The following XKR9 variants were observed in gnomAD, a reference collection of about 807,000 sequenced individuals.
XKR9 encodes XK related 9, also known as XK-related protein 9.
XKR9 carries 32 observed loss-of-function variants against 32.0 expected under a neutral mutation model. That is an observed-to-expected ratio of 1.00 (90% confidence interval 0.76 to 1.34). The LOEUF is 1.34. Ranked by LOEUF, XKR9 falls within the 40% of genes most tolerant of loss-of-function variation. The pLI is 0.00. For missense variants in XKR9, 546 were observed against 429.7 expected, an observed-to-expected ratio of 1.27 and a Z score of -2.39; for synonymous variants, 168 against 143.4, an observed-to-expected ratio of 1.17 and a Z score of -1.22.
At chr8:71,027,217 A>G in the XKR9 span, among the ~76,000 whole-genome samples, 24 of 151,954 alleles carry the variant, frequency 1.6e-4, no homozygotes, top group Admixed American at 3.9e-4. Context: ...GTAATCAAAG[A>G]GAGTCCATTT....
chr8:70,863,534 C>G, the XKR9 span, among the ~76,000 whole-genome samples: 321 of 152,256 alleles, frequency 2.1e-3, 1 homozygote, highest in Non-Finnish European at 3.6e-3. Context: ...ACATGACTTT[C>G]TTTGTGCATC....
intron 4 of XKR9, among the ~76,000 whole-genome samples, chr8:70,725,705 A>C (rs1806443133): frequency 6.6e-6 from 1 of 152,184 alleles, no homozygotes; most frequent in Non-Finnish European, 1.5e-5. Context: ...CAGGAGTTCA[A>C]GACCAGCCTG....
At chr8:71,020,510 T>C in the XKR9 span, among the ~76,000 whole-genome samples, 1 of 152,200 alleles carries the variant, frequency 6.6e-6, no homozygotes, top group Non-Finnish European at 1.5e-5. Flanking sequence ...ATAAACATCA[T>C]CATAGTTTAT....
At chr8:70,800,954 G>A in the XKR9 span, among the ~76,000 whole-genome samples, 2 of 145,210 alleles carry the variant, frequency 1.4e-5, no homozygotes, top group African/African-American at 5.1e-5. Context: ...GTATAGAGGT[G>A]TTCATACTAG....
rs1019341292 is a variant in XKR9, at chr8:70,732,935, T to C, written c.494-861T>C. Among the ~76,000 whole-genome samples, 4 of 152,258 alleles carry C rather than the reference T, an allele frequency of 2.6e-5. No homozygotes were observed. In the East Asian group the frequency reaches 7.8e-4, roughly 30 times the overall value. ...GAGTTTGAGACCAGCCTCGCCAACA[T>C]GGTGAAACTCCATCTGTACTAAAAA... On this transcript the variant is annotated intron_variant, in intron 4 of 4. Transcript: ENST00000408926.
chr8:70,962,578 C>A, the XKR9 span, among the ~76,000 whole-genome samples: 6 of 152,154 alleles, frequency 3.9e-5, no homozygotes, highest in Admixed American at 3.9e-4. Flanking sequence ...ACGGTGTATA[C>A]TTACCACACT....
chr8:71,039,979 T>G, the XKR9 span, among the ~76,000 whole-genome samples: 1 of 152,158 alleles, frequency 6.6e-6, no homozygotes, highest in Non-Finnish European at 1.5e-5. Context: ...CCCTATATCT[T>G]TTAAATTGTC....
At chr8:70,767,351 T>C (rs919490853) in intron 2 of XKR9, among the ~76,000 whole-genome samples, 3 of 152,194 alleles carry the variant, frequency 2.0e-5, no homozygotes, top group Non-Finnish European at 4.4e-5. Context: ...TCTAGGAATT[T>C]ATCCATTTCT....
chr8:70,745,276 G>A (rs1461754736), intron 2 of XKR9, among the ~76,000 whole-genome samples: 2 of 152,134 alleles, frequency 1.3e-5, no homozygotes, highest in East Asian at 1.9e-4. Flanking sequence ...ATATGGTTCA[G>A]TCATGGCTTT....
At chr8:70,953,450 T>A in the XKR9 span, among the ~76,000 whole-genome samples, 21 of 152,280 alleles carry the variant, frequency 1.4e-4, no homozygotes, top group Middle Eastern at 3.4e-3. Flanking sequence ...TAGCTAGGAC[T>A]ACAGGTGTGC....
chr8:70,850,488 A>G, the XKR9 span, among the ~76,000 whole-genome samples: 3 of 149,838 alleles, frequency 2.0e-5, no homozygotes, highest in African/African-American at 7.3e-5. Flanking sequence ...AAAAAAAGAA[A>G]GAAAATTTCA....
chr8:70,995,974 T>C, the XKR9 span, among the ~76,000 whole-genome samples: 2 of 151,458 alleles, frequency 1.3e-5, no homozygotes, highest in East Asian at 3.8e-4. Flanking sequence ...GTGTGTGCCA[T>C]GCATTCTTAA....
At chr8:70,992,187 G>T in the XKR9 span, among the ~76,000 whole-genome samples, 2 of 152,152 alleles carry the variant, frequency 1.3e-5, no homozygotes, top group South Asian at 2.1e-4. Flanking sequence ...CTTTATGCTT[G>T]CTTTCTGTCT....
the XKR9 span, among the ~76,000 whole-genome samples, chr8:70,824,344 A>G: frequency 6.6e-6 from 1 of 152,152 alleles, no homozygotes; most frequent in African/African-American, 2.4e-5. Context: ...TTTCTGTAGT[A>G]TAAGTTAAGG....
the XKR9 span, among the ~76,000 whole-genome samples, chr8:71,052,239 T>C: frequency 6.6e-6 from 1 of 152,228 alleles, no homozygotes; most frequent in African/African-American, 2.4e-5. Context: ...TGTTTTTTCT[T>C]AATATGTCAG....
chr8:70,805,382 C>T, the XKR9 span, among the ~76,000 whole-genome samples: 3 of 152,354 alleles, frequency 2.0e-5, no homozygotes, highest in South Asian at 6.2e-4. Flanking sequence ...GCTTAGCCTA[C>T]CGAGCTCCCG....
the XKR9 span, among the ~76,000 whole-genome samples, chr8:70,843,871 GC>G: frequency 6.6e-6 from 1 of 152,114 alleles, no homozygotes; most frequent in African/African-American, 2.4e-5. Flanking sequence ...TGAGAGCTCA[GC>G]CCCCACCAGA....
the XKR9 span, among the ~76,000 whole-genome samples, chr8:70,801,310 C>A: frequency 6.6e-6 from 1 of 152,108 alleles, no homozygotes; most frequent in South Asian, 2.1e-4. Flanking sequence ...GGACTATACA[C>A]TTCCCTCCTA....
At chr8:70,765,941 C>T (rs1807369478) in intron 2 of XKR9, among the ~76,000 whole-genome samples, 1 of 152,094 alleles carries the variant, frequency 6.6e-6, no homozygotes, top group African/African-American at 2.4e-5. Context: ...ATTTCTGAGG[C>T]CTCTGTTCTC....
Sources: gnomAD v4.1 joint callset for allele counts (sites outside exome capture counted in the v4.1 genomes callset) on GRCh38, gnomAD v4.1.1 for gene constraint, MANE v1.5 for transcripts, NCBI Gene and HGNC (gene_info 2026-07-23, HGNC 2026-07-21) for gene names.